SSBP2: variants seen among roughly 807,000 people sequenced by gnomAD.
SSBP2 encodes single-stranded DNA-binding protein 2.
SSBP2 carries 17 observed loss-of-function variants against 61.8 expected under a neutral mutation model. The ratio of observed to expected loss-of-function variants is 0.28; its 90% CI spans 0.19 to 0.41. SSBP2 has a LOEUF of 0.41. Ranked by LOEUF, SSBP2 falls within the 10% of genes least tolerant of loss-of-function variation. The pLI is 1.00. For missense variants in SSBP2, 310 were observed against 458.7 expected (o/e 0.68, Z 2.96); for synonymous variants, 139 against 141.3 (o/e 0.98, Z 0.12).
chr5:81,628,535 TAAAA>T (rs553380852), intron 3 of SSBP2, among the ~76,000 whole-genome samples: 1 of 152,122 alleles, frequency 6.6e-6, no homozygotes, highest in African/African-American at 2.4e-5. Flanking sequence ...ATTGCACAAG[TAAAA>T]AAACACATTA....
At chr5:81,434,856 G>A (rs1288506602) in intron 15 of SSBP2, among the ~76,000 whole-genome samples, 1 of 152,146 alleles carries the variant, frequency 6.6e-6, no homozygotes, top group Non-Finnish European at 1.5e-5. Flanking sequence ...CTGTGACTGT[G>A]TATACCTCGT....
At chr5:81,637,447 G>C (rs914483113) in intron 2 of SSBP2, among the ~76,000 whole-genome samples, 4 of 152,140 alleles carry the variant, frequency 2.6e-5, no homozygotes, top group Non-Finnish European at 4.4e-5. Flanking sequence ...AACACTCAGC[G>C]TGCTTTTAAT....
At chr5:81,533,841 G>GGGA (rs1323894106) in intron 4 of SSBP2, among the ~76,000 whole-genome samples, 1 of 152,036 alleles carries the variant, frequency 6.6e-6, no homozygotes, top group East Asian at 1.9e-4. Context: ...TAATTCTAGG[G>GGGA]TAACTCAGTC....
At chr5:81,590,309 T>C (rs1017951274) in intron 4 of SSBP2, among the ~76,000 whole-genome samples, 2 of 152,204 alleles carry the variant, frequency 1.3e-5, no homozygotes, top group African/African-American at 4.8e-5. Context: ...TGATTATATA[T>C]TGAGGAGTCT....
intron 4 of SSBP2, among the ~76,000 whole-genome samples, chr5:81,614,898 A>G (rs1745849876): frequency 1.3e-5 from 2 of 152,204 alleles, no homozygotes; most frequent in Non-Finnish European, 2.9e-5. Context: ...CAAGCCAAGG[A>G]CACTCCACTG....
chr5:81,614,801 C>A (rs552547744), intron 4 of SSBP2, among the ~76,000 whole-genome samples: 3 of 152,234 alleles, frequency 2.0e-5, no homozygotes, highest in African/African-American at 7.2e-5. Flanking sequence ...TTCTTATCTT[C>A]ACTGTTTTTT....
chr5:81,601,034 T>C (rs1744312456), intron 4 of SSBP2, among the ~76,000 whole-genome samples: 2 of 152,198 alleles, frequency 1.3e-5, no homozygotes, highest in Admixed American at 6.5e-5. Flanking sequence ...GAAGTACTTA[T>C]ATCAGTGCTT....
Position 81,636,548 on chromosome 5 carries a change from G to T in SSBP2, c.197+9C>A, listed in dbSNP as rs1340410547. 1.2e-6 allele frequency: 2 copies of T among 1,605,958 alleles called. No individual in the cohort carries two copies. Among genetic ancestry groups the T allele is most frequent in the Non-Finnish European group, 1.7e-6 (2 of 1,175,198 alleles). On this transcript the variant is annotated intron_variant, in intron 3 of 16. Coordinates refer to ENST00000320672, the MANE Select transcript of SSBP2 (RefSeq NM_012446.5). ...TCAAGCCAGTAAAAATGGAATAAAGGATACTTACCACCACCAAGAATGTAA... is the reference window on the plus strand; with the variant it reads ...TCAAGCCAGTAAAAATGGAATAAAGTATACTTACCACCACCAAGAATGTAA...
At chr5:81,490,851 C>CT (rs2154054855) in intron 5 of SSBP2, among the ~76,000 whole-genome samples, 1 of 152,266 alleles carries the variant, frequency 6.6e-6, no homozygotes, top group Non-Finnish European at 1.5e-5. Flanking sequence ...TGGACAGAAA[C>CT]AGTAGATTAG....
At chr5:81,615,981 C>G (rs1190596898) in intron 3 of SSBP2, 1 of 155,998 alleles carries the variant, frequency 6.4e-6, no homozygotes, top group East Asian at 1.9e-4. Flanking sequence ...AACTCATAGG[C>G]CAATACCCTG....
intron 2 of SSBP2, among the ~76,000 whole-genome samples, chr5:81,639,774 A>G (rs533404864): frequency 6.6e-6 from 1 of 152,328 alleles, no homozygotes; most frequent in Admixed American, 6.5e-5. Flanking sequence ...GATTTCAAAA[A>G]AATTCAAGGA....
Position 81,488,076 on chromosome 5 carries a change from T to TATGTGGTGTGTGTGTGTATATATATATTA in SSBP2, c.432+1173_432+1174insTAATATATATATACACACACACACCACAT, listed in dbSNP as rs1766569268. Among the ~76,000 whole-genome samples, 3 of 121,338 alleles carry TATGTGGTGTGTGTGTGTATATATATATTA rather than the reference T, an allele frequency of 2.5e-5. No homozygotes were observed. The South Asian group carries it at 8.6e-4, about 35-fold the overall frequency. The allele number at this position is 121,338 out of a possible 152,430, so 79.6% of individuals were successfully genotyped here. ...ATATATATAAATAAAATATCATATA[T>TATGTGGTGTGTGTGTGTATATATATATTA]TATATATATACACACACACACCACA... On this transcript the variant is annotated intron_variant, in intron 6 of 16. Transcript: ENST00000320672.
At chr5:81,736,915 T>TA (rs1241613518) in intron 1 of SSBP2, among the ~76,000 whole-genome samples, 1 of 152,224 alleles carries the variant, frequency 6.6e-6, no homozygotes, top group Non-Finnish European at 1.5e-5. Flanking sequence ...GGGCAGTTAT[T>TA]AATTTAGTTT....
chr5:81,735,836 C>T (rs971502599), intron 1 of SSBP2, among the ~76,000 whole-genome samples: 2 of 152,118 alleles, frequency 1.3e-5, no homozygotes, highest in East Asian at 3.8e-4. Context: ...GATAACCATA[C>T]TTTATCATTT....
At position 81,425,084 on chromosome 5, in the gene SSBP2, T is replaced by G. The variant is rs1276942584; in HGVS notation, c.1056+3501A>C. On this transcript the variant is annotated intron_variant, in intron 16 of 16. Transcript: ENST00000320672. The stretch of plus-strand genomic sequence containing the variant: ...ATATTATTTTAAATGTATACCAACT[T>G]ATTTTATCTTTTAATGTGAAATGAG... 2.6e-5 allele frequency among the ~76,000 whole-genome samples: 4 copies of G among 152,246 alleles called. No individual in the cohort carries two copies. In the East Asian group the frequency reaches 5.8e-4, roughly 22 times the overall value.
intron 1 of SSBP2, among the ~76,000 whole-genome samples, chr5:81,685,386 T>A (rs1364961276): frequency 6.6e-6 from 1 of 152,156 alleles, no homozygotes; most frequent in Non-Finnish European, 1.5e-5. Context: ...GATGTCTTAA[T>A]GTATTCAGCA....
chr5:81,474,705 A>G, intron 6 of SSBP2, 143 bp from the exon 7 acceptor site: 1 of 621,324 alleles, frequency 1.6e-6, no homozygotes, highest in Non-Finnish European at 2.6e-6. Flanking sequence ...TTTCACATTC[A>G]TTTATAAGTT....
At chr5:81,670,113 A>T (rs1561675224) in intron 1 of SSBP2, among the ~76,000 whole-genome samples, 1 of 152,162 alleles carries the variant, frequency 6.6e-6, no homozygotes. Flanking sequence ...GTTTGCCAAA[A>T]CTCATAGAAT....
At chr5:81,734,087 A>C (rs1239687055) in intron 1 of SSBP2, among the ~76,000 whole-genome samples, 1 of 152,212 alleles carries the variant, frequency 6.6e-6, no homozygotes, top group Non-Finnish European at 1.5e-5. Flanking sequence ...ATCAAGAGTC[A>C]AGACCCTTTG....
Sources: allele counts gnomAD v4.1 joint callset (sites outside exome capture counted in the v4.1 genomes callset), GRCh38; gene constraint gnomAD v4.1.1; transcripts MANE v1.5; gene names NCBI Gene and HGNC (gene_info 2026-07-23, HGNC 2026-07-21).